Variants in ROBO1 observed in about 807,000 individuals in gnomAD.
ROBO1 encodes roundabout guidance receptor 1.
A neutral mutation model predicts 195.9 loss-of-function variants in ROBO1; 149 were observed. That is an observed-to-expected ratio of 0.76 (90% CI 0.67 to 0.87). ROBO1 has a LOEUF of 0.87. ROBO1 is among the 40% of genes least tolerant of loss of function. The pLI is 0.00. For missense variants in ROBO1, 1,933 were observed against 2,068.3 expected, an observed-to-expected ratio of 0.93 and a Z score of 1.27; for synonymous variants, 816 against 733.2, an observed-to-expected ratio of 1.11 and a Z score of -1.82.
At chr3:78,734,557 T>C (rs1437057372) in intron 5 of ROBO1, among the ~76,000 whole-genome samples, 1 of 150,460 alleles carries the variant, frequency 6.6e-6, no homozygotes. Context: ...AGATACCCTG[T>C]CTCAAACAAA....
intron 2 of ROBO1, among the ~76,000 whole-genome samples, chr3:79,365,676 T>G (rs1275802323): frequency 6.6e-6 from 1 of 151,984 alleles, no homozygotes; most frequent in Non-Finnish European, 1.5e-5. Context: ...GGCGGGCGGA[T>G]CACGAGGTCA....
At chr3:78,676,152 C>G (rs183301328) in intron 10 of ROBO1, among the ~76,000 whole-genome samples, 1 of 152,094 alleles carries the variant, frequency 6.6e-6, no homozygotes, top group Non-Finnish European at 1.5e-5. Flanking sequence ...ACAGAAAGGA[C>G]ATCCACACCA....
chr3:79,048,679 T>C (rs2078640343), intron 3 of ROBO1, among the ~76,000 whole-genome samples: 1 of 152,104 alleles, frequency 6.6e-6, no homozygotes, highest in African/African-American at 2.4e-5. Flanking sequence ...CTTCCCTCTA[T>C]TGTCACACTA....
At chr3:79,470,721 C>G (rs1177656133) in intron 2 of ROBO1, among the ~76,000 whole-genome samples, 2 of 151,976 alleles carry the variant, frequency 1.3e-5, no homozygotes, top group Non-Finnish European at 2.9e-5. Flanking sequence ...TAAAAGAGAG[C>G]TTGTCCCCTA....
At chr3:79,424,166 T>C (rs1442668261) in intron 2 of ROBO1, among the ~76,000 whole-genome samples, 1 of 152,142 alleles carries the variant, frequency 6.6e-6, no homozygotes, top group Non-Finnish European at 1.5e-5. Flanking sequence ...TCTAAGCAAC[T>C]AAGTTAAATC....
chr3:79,698,840 C>A (rs1435081623), intron 1 of ROBO1, among the ~76,000 whole-genome samples: 1 of 151,426 alleles, frequency 6.6e-6, no homozygotes, highest in African/African-American at 2.4e-5. Context: ...TGACTCTTGA[C>A]CATTGAAGAA....
Position 79,018,314 on chromosome 3 carries a change from G to A in ROBO1, c.173-79387C>T. ...AGCCCCTCCGGCCTTAGGAGGGAGG[G>A]GTAACCAAAATACACTTCTGGGTTT... On this transcript the variant is annotated intron_variant, in intron 3 of 30. Coordinates refer to ENST00000464233, the MANE Select transcript of ROBO1 (RefSeq NM_002941.4). 2.7e-6 allele frequency: 4 copies of A among 1,463,206 alleles called. No individual in the cohort carries two copies. In the South Asian group the frequency reaches 3.5e-5, roughly 13 times the overall value. 90.6% of individuals were successfully genotyped at this position (1,463,206 alleles called of 1,614,324 possible).
chr3:79,018,583 A>T (rs1323166777), intron 3 of ROBO1: 1 of 1,504,814 alleles, frequency 6.6e-7, no homozygotes, highest in African/African-American at 1.4e-5. Context: ...TGGGTCAATT[A>T]GCCAAGAGTT....
intron 21 of ROBO1, 58 bp from the exon 22 acceptor site, chr3:78,639,956 AT>A: frequency 7.5e-7 from 1 of 1,341,692 alleles, no homozygotes. Flanking sequence ...AATATTTTCT[AT>A]TTAAAATTCC....
chr3:78,702,875 T>A (rs1009875959), intron 8 of ROBO1, among the ~76,000 whole-genome samples: 2 of 152,206 alleles, frequency 1.3e-5, no homozygotes, highest in Admixed American at 1.3e-4. Context: ...TCATTATTTG[T>A]CACTGAATCA....
intron 3 of ROBO1, among the ~76,000 whole-genome samples, chr3:79,123,474 ATT>A (rs2080159304): frequency 1.3e-5 from 2 of 151,944 alleles, no homozygotes; most frequent in East Asian, 3.9e-4. Context: ...TTTCTACTTT[ATT>A]GTTCTTATCA....
chr3:79,252,789 T>A (rs2082756461), intron 2 of ROBO1, among the ~76,000 whole-genome samples: 1 of 152,204 alleles, frequency 6.6e-6, no homozygotes, highest in African/African-American at 2.4e-5. Flanking sequence ...AAAAATTTTA[T>A]AATCAGTTTA....
intron 5 of ROBO1, among the ~76,000 whole-genome samples, chr3:78,745,886 G>T (rs988453300): frequency 3.3e-5 from 5 of 152,152 alleles, no homozygotes; most frequent in African/African-American, 1.2e-4. Flanking sequence ...AGGTTGTGCG[G>T]TCTACATTAT....
intron 1 of ROBO1, among the ~76,000 whole-genome samples, chr3:79,726,294 C>G (rs1454226399): frequency 6.6e-6 from 1 of 152,172 alleles, no homozygotes; most frequent in Non-Finnish European, 1.5e-5. Flanking sequence ...GTCCCTCAAG[C>G]CCTCCTCCAA....
chr3:79,015,586 C>T (rs2108239822), intron 3 of ROBO1, among the ~76,000 whole-genome samples: 1 of 152,188 alleles, frequency 6.6e-6, no homozygotes, highest in South Asian at 2.1e-4. Context: ...TCAAGGCTAC[C>T]TCTCCTGCAC....
chr3:79,388,399 C>T (rs549040194), intron 2 of ROBO1, among the ~76,000 whole-genome samples: 1 of 152,158 alleles, frequency 6.6e-6, no homozygotes, highest in African/African-American at 2.4e-5. Flanking sequence ...CTGTAATCAG[C>T]ACCCCTGGGG....
chr3:78,855,480 T>C (rs1367305857), intron 4 of ROBO1, among the ~76,000 whole-genome samples: 1 of 152,190 alleles, frequency 6.6e-6, no homozygotes, highest in Non-Finnish European at 1.5e-5. Context: ...GGATAGATTA[T>C]TTGCTTTAAA....
Position 79,334,735 on chromosome 3 carries a change from A to AT in ROBO1, c.89-209197dup, listed in dbSNP as rs11364294. ...CTTCAATTCATATATTTTATACCAC[A>AT]TTTTTTTTTTTTAAAGGCAAACAGT... On this transcript the variant is annotated intron_variant, in intron 2 of 30. Coordinates refer to ENST00000464233, the MANE Select transcript of ROBO1 (RefSeq NM_002941.4). Among the ~76,000 whole-genome samples the AT allele has an allele frequency of 6.4e-4, 95 of 147,374 alleles. 2 individuals are homozygous for AT. The highest frequency in any genetic ancestry group is 3.5e-3 in the Middle Eastern group (1 of 282).
chr3:78,701,999 T>C lies in ROBO1; in HGVS notation c.1045+12398A>G, dbSNP rs201955722. Among the ~76,000 whole-genome samples, 29 of 152,340 alleles carry C rather than the reference T, an allele frequency of 1.9e-4. No individual in the cohort carries two copies. The East Asian group carries it at 5.2e-3, about 27-fold the overall frequency. On this transcript the variant is annotated intron_variant, in intron 8 of 30. Coordinates refer to ENST00000464233, the MANE Select transcript of ROBO1 (RefSeq NM_002941.4). Reference sequence around the variant, plus strand: ...GTGCTCATGGTATTTTAATCAGTTGTGCAAACCTTAGGTATACTACACAGT... The same window carrying C: ...GTGCTCATGGTATTTTAATCAGTTGCGCAAACCTTAGGTATACTACACAGT...
Sources: allele counts gnomAD v4.1 joint callset (sites outside exome capture counted in the v4.1 genomes callset), GRCh38; gene constraint gnomAD v4.1.1; transcripts MANE v1.5; gene names NCBI Gene and HGNC (gene_info 2026-07-23, HGNC 2026-07-21).